DNAAF9: variants seen among roughly 807,000 people sequenced by gnomAD.
DNAAF9 encodes the protein dynein axonemal assembly factor 9.
DNAAF9 carries 90 observed loss-of-function variants against 167.0 expected under a neutral mutation model. The ratio of observed to expected loss-of-function variants is 0.54; its 90% CI spans 0.45 to 0.64. The LOEUF (loss-of-function observed/expected upper bound fraction) is 0.64. Ranked by LOEUF, DNAAF9 falls within the 30% of genes least tolerant of loss-of-function variation. The pLI, the probability that DNAAF9 is intolerant of heterozygous loss-of-function variation, is 0.00. For missense variants in DNAAF9, 1,315 were observed against 1,442.2 expected (o/e 0.91, Z 1.43); for synonymous variants, 491 against 508.8 (o/e 0.96, Z 0.47).
chr20:3,347,688 G>A (rs2070222562), intron 8 of DNAAF9, among the ~76,000 whole-genome samples: 1 of 152,172 alleles, frequency 6.6e-6, no homozygotes, highest in Non-Finnish European at 1.5e-5. Context: ...AGCACTTTGG[G>A]GGGCTGAGGC....
At chr20:3,270,853 C>T (rs1353999450) in intron 29 of DNAAF9, among the ~76,000 whole-genome samples, 1 of 151,182 alleles carries the variant, frequency 6.6e-6, no homozygotes, top group African/African-American at 2.4e-5. Context: ...CACTCTGTTG[C>T]CCAGGCTGGA....
At chr20:3,307,985 A>C (rs1391715603) in intron 20 of DNAAF9, among the ~76,000 whole-genome samples, 2 of 151,314 alleles carry the variant, frequency 1.3e-5, no homozygotes, top group Non-Finnish European at 2.9e-5. Context: ...AAAAAAAAAA[A>C]AAACTAAAGC....
chr20:3,269,085 T>C (rs577555374), intron 30 of DNAAF9, among the ~76,000 whole-genome samples: 5 of 151,908 alleles, frequency 3.3e-5, no homozygotes, highest in South Asian at 2.1e-4. Context: ...TGTATTTTTT[T>C]AAATATAGAG....
At chr20:3,296,992 C>A (rs766415492) in intron 22 of DNAAF9, 43 bp from the exon 23 acceptor site, 2 of 1,148,860 alleles carry the variant, frequency 1.7e-6, no homozygotes, top group Non-Finnish European at 1.3e-6. Flanking sequence ...TTAAACCCAA[C>A]AACAGGATAT....
At chr20:3,393,185 T>TATTC (rs1471356094) in intron 1 of DNAAF9, among the ~76,000 whole-genome samples, 4 of 152,150 alleles carry the variant, frequency 2.6e-5, no homozygotes, top group Admixed American at 1.3e-4. Flanking sequence ...TTTATTTATT[T>TATTC]ATTTATTTTT....
At chr20:3,297,117 T>C (rs2069094941) in intron 22 of DNAAF9, among the ~76,000 whole-genome samples, 168 bp from the exon 23 acceptor site, 1 of 152,186 alleles carries the variant, frequency 6.6e-6, no homozygotes, top group South Asian at 2.1e-4. Context: ...TTTTGTTCTG[T>C]ATTTTTAAAA....
At chr20:3,335,757 CAAA>C (rs151182468) in intron 10 of DNAAF9, among the ~76,000 whole-genome samples, 4,125 of 98,242 alleles carry the variant, frequency 0.042, 96 homozygotes, top group African/African-American at 0.086. Context: ...AACTCCGTCT[CAAA>C]AAAAAAAAAA....
chr20:3,327,098 A>T (rs1300206015), intron 12 of DNAAF9, among the ~76,000 whole-genome samples: 1 of 152,158 alleles, frequency 6.6e-6, no homozygotes, highest in Non-Finnish European at 1.5e-5. Flanking sequence ...AGACTGAGGA[A>T]GGGCTGGGTT....
intron 7 of DNAAF9, among the ~76,000 whole-genome samples, chr20:3,352,727 A>G (rs1415772515): frequency 6.6e-5 from 10 of 152,132 alleles, no homozygotes; most frequent in Middle Eastern, 3.2e-3. Context: ...GACCTTGCAC[A>G]CTAGGTATCT....
At chr20:3,253,892 A>G (rs2068234271) in intron 35 of DNAAF9, 73 bp from the exon 36 acceptor site, 2 of 883,228 alleles carry the variant, frequency 2.3e-6, no homozygotes, top group South Asian at 2.7e-5. Flanking sequence ...AAAACAAACA[A>G]GTCTATTTCC....
chr20:3,312,245 C>T (rs2069427626), intron 20 of DNAAF9, among the ~76,000 whole-genome samples: 1 of 152,120 alleles, frequency 6.6e-6, no homozygotes, highest in Non-Finnish European at 1.5e-5. Context: ...GCCTTGGCCT[C>T]CCAAAGTTCT....
chr20:3,328,831 C>T (rs2069764402), intron 12 of DNAAF9, among the ~76,000 whole-genome samples: 1 of 150,858 alleles, frequency 6.6e-6, no homozygotes, highest in Non-Finnish European at 1.5e-5. Flanking sequence ...CGTATACATA[C>T]ACATACACAC....
In DNAAF9 at chr20:3,386,453, A is replaced by C. The variant is rs534109586; in HGVS notation, c.84-3947T>G. Among the ~76,000 whole-genome samples, 9 of 152,362 alleles carry C rather than the reference A, an allele frequency of 5.9e-5. No individual in the cohort carries two copies. In the East Asian group the frequency reaches 1.7e-3, roughly 29 times the overall value. On this transcript the variant is annotated intron_variant, in intron 1 of 36. Coordinates refer to ENST00000252032, the MANE Select transcript of DNAAF9 (RefSeq NM_001009984.3). ...GGGCAAAAATGTAAACCTCAACCTT[A>C]CACATTATATACAAATTAAAGCATA... is the stretch of plus-strand genomic sequence containing the variant.
At chr20:3,368,011 C>G (rs577297359) in intron 6 of DNAAF9, among the ~76,000 whole-genome samples, 1 of 151,814 alleles carries the variant, frequency 6.6e-6, no homozygotes, top group African/African-American at 2.4e-5. Flanking sequence ...CTGGTGAAAA[C>G]AGGCACTGTT....
rs945028033 is a variant in DNAAF9, at chr20:3,381,435, T to C, written c.227A>G (p.Tyr76Cys). 9 of 1,612,752 alleles carry C rather than the reference T, an allele frequency of 5.6e-6. No homozygotes were observed. The highest frequency in any genetic ancestry group is 1.7e-5 in the Admixed American group (1 of 59,996). ...CTCAAAATCACTGGTATTCTGATTG[T>C]ACAAACCAAATAGAAGATAATTTGC... ...ELANYLLFGL[Y>C]NQNTSDFEKT... The change falls in exon 3 of 37, where the codon TAC (tyrosine) becomes TGC (cysteine). Residue 76 changes from tyrosine to cysteine, a missense_variant. Coordinates refer to ENST00000252032, the MANE Select transcript of DNAAF9 (RefSeq NM_001009984.3).
At chr20:3,343,868 C>T (rs13044501) in intron 8 of DNAAF9, 137 bp from the exon 9 acceptor site, 3 of 574,608 alleles carry the variant, frequency 5.2e-6, no homozygotes, top group Non-Finnish European at 9.2e-6. Flanking sequence ...TGCGTGTGTG[C>T]ATGTGCGTGT....
intron 7 of DNAAF9, among the ~76,000 whole-genome samples, chr20:3,350,156 G>GACACACAGACACACAC (rs2070291283): frequency 5.6e-5 from 5 of 89,902 alleles, no homozygotes; most frequent in Non-Finnish European, 9.5e-5. Context: ...CAGACACACA[G>GACACACAGACACACAC]ACACACACAC....
chr20:3,255,950 A>C (rs2068272705), intron 34 of DNAAF9, 56 bp downstream of exon 34: 7 of 1,349,660 alleles, frequency 5.2e-6, no homozygotes, highest in Non-Finnish European at 7.3e-6. Context: ...GGCCAACAGC[A>C]GCTCTGAGGT....
intron 1 of DNAAF9, among the ~76,000 whole-genome samples, chr20:3,393,802 T>C (rs546015788): frequency 2.0e-5 from 3 of 152,338 alleles, no homozygotes; most frequent in Admixed American, 2.0e-4. Context: ...ACCTATAATA[T>C]GCCAGAGTAC....
Sources: allele counts gnomAD v4.1 joint callset (sites outside exome capture counted in the v4.1 genomes callset), GRCh38; gene constraint gnomAD v4.1.1; transcripts MANE v1.5; gene names NCBI Gene and HGNC (gene_info 2026-07-23, HGNC 2026-07-21).